WDR74: variants seen among roughly 807,000 people sequenced by gnomAD.
WDR74 encodes the protein WD repeat-containing protein 74.
Under a neutral mutation model 45.6 loss-of-function variants are expected in WDR74, and 31 were observed. The ratio of observed to expected loss-of-function variants is 0.68; its 90% confidence interval spans 0.51 to 0.92. The LOEUF (loss-of-function observed/expected upper bound fraction) is 0.92. WDR74 is among the 40% of genes least tolerant of loss of function. WDR74 has a pLI of 0.00. For missense variants in WDR74, 455 were observed against 497.2 expected (o/e 0.92, Z 0.81); for synonymous variants, 191 against 192.4 (o/e 0.99, Z 0.06).
chr11:62,841,225 G>T (rs1252280727), upstream of WDR74, among the ~76,000 whole-genome samples: 1 of 152,190 alleles, frequency 6.6e-6, no homozygotes. Context: ...GCTGATGCAG[G>T]AGAATCGCAT....
upstream of WDR74, chr11:62,839,699 T>A: frequency 8.5e-7 from 1 of 1,176,780 alleles, no homozygotes; most frequent in Non-Finnish European, 1.2e-6. Flanking sequence ...GCTTCCATGC[T>A]TGTTTTGCTT....
At chr11:62,840,856 T>G (rs1346677205), upstream of WDR74, among the ~76,000 whole-genome samples, 1 of 152,158 alleles carries the variant, frequency 6.6e-6, no homozygotes, top group African/African-American at 2.4e-5. Context: ...ATTTCACGCT[T>G]GAAACCCCGA....
chr11:62,840,959 C>A (rs1280437203), upstream of WDR74, among the ~76,000 whole-genome samples: 1 of 152,148 alleles, frequency 6.6e-6, no homozygotes, highest in African/African-American at 2.4e-5. Context: ...CCGAGGCGGG[C>A]GGATCACGAG....
At position 62,839,520 on chromosome 11, in the gene WDR74, A is replaced by C; in HGVS notation, c.51T>G (p.Thr17=). The change falls in exon 1 of 11, where the codon ACT becomes ACG. Residue 17 remains threonine, a synonymous_variant. Coordinates refer to ENST00000278856, the MANE Select transcript of WDR74 (RefSeq NM_001369450.1). ...CCTGCCACCCACCTTTCAAGATCCCAGTCTCGGTGCCGACCCACACATGGT... is the reference window on the plus strand; with the variant it reads ...CCTGCCACCCACCTTTCAAGATCCCCGTCTCGGTGCCGACCCACACATGGT... ...RWNHVWVGTE[T]GILKGVNLQR... is the part of the protein sequence containing the mutation. 6.2e-7 allele frequency: 1 copy of C among 1,613,200 alleles called. No individual in the cohort carries two copies. The highest frequency in any genetic ancestry group is 8.5e-7 in the Non-Finnish European group (1 of 1,179,740).
chr11:62,834,039 C>T, intron 8 of WDR74, 102 bp from the exon 9 acceptor site: 1 of 1,523,634 alleles, frequency 6.6e-7, no homozygotes, highest in Non-Finnish European at 8.9e-7. Flanking sequence ...TAATCTGCAA[C>T]AAAACCCTGA....
Position 62,835,790 on chromosome 11 carries a change from C to T in WDR74, c.421G>A (p.Ala141Thr). 1 of 1,613,638 alleles carries T rather than the reference C, an allele frequency of 6.2e-7. No individual in the cohort carries two copies. The highest frequency in any genetic ancestry group is 8.5e-7 in the Non-Finnish European group (1 of 1,179,756). Residue 141 changes from alanine (A) to threonine (T), a missense_variant, in exon 5 of 11, where the codon GCA (alanine) becomes ACA (threonine). Coordinates refer to ENST00000278856, the MANE Select transcript of WDR74 (RefSeq NM_001369450.1). ...CCTGTGGCAACCACATGGGGGTGTGCTGGGTCTTGGCGCATCCTACACACC... is the reference window on the plus strand; with the variant it reads ...CCTGTGGCAACCACATGGGGGTGTGTTGGGTCTTGGCGCATCCTACACACC... ...PGVCRMRQDP[A>T]HPHVVATGGK... is the part of the protein sequence containing the mutation.
intron 7 of WDR74, 37 bp downstream of exon 7, chr11:62,834,390 G>GCGGCCCCCCCCCCCCC: frequency 6.3e-7 from 1 of 1,584,248 alleles, no homozygotes; most frequent in Non-Finnish European, 8.6e-7. Flanking sequence ...CCCTTCTCAA[G>GCGGCCCCCCCCCCCCC]CCCCACCCTC....
chr11:62,839,697 G>T (rs2085020168), upstream of WDR74: 2 of 1,175,522 alleles, frequency 1.7e-6, no homozygotes, highest in Non-Finnish European at 2.3e-6. Context: ...AAGCTTCCAT[G>T]CTTGTTTTGC....
rs776765603 is a variant in WDR74 at position 62,835,991 on chromosome 11, A to G, written c.339T>C (p.His113=). 6.3e-7 allele frequency: 1 copy of G among 1,598,134 alleles called. No homozygotes were observed. Among genetic ancestry groups the G allele is most frequent in the Non-Finnish European group, 8.5e-7 (1 of 1,172,316 alleles). Residue 113 remains histidine, a synonymous_variant, in exon 4 of 11, where the codon CAT becomes CAC. Transcript: ENST00000278856. ...CAGAGGATGTGTCCTTGTCCTTGTC[A>G]TGCCAGACTCTGAGAATCCCAGAAT... ...CVDSGILRVW[H]DKDKDTSSDP...
rs1348435167 is a variant in WDR74 at position 62,835,838 on chromosome 11, G to A, written c.373C>T (p.Leu125=). ...ACCCCAGGGCCCACTCTCAGTTCCA[G>A]GAGCTGTAAAGAATAGGAGATAAGA... is the stretch of plus-strand genomic sequence containing the variant. The part of the protein sequence containing the change: ...KDKDTSSDPL[L]ELRVGPGVCR... The change falls in exon 5 of 11, where the codon CTG becomes TTG. Residue 125 remains leucine, a synonymous_variant. Coordinates refer to ENST00000278856, the MANE Select transcript of WDR74 (RefSeq NM_001369450.1). 1 of 1,610,186 alleles carries A rather than the reference G, an allele frequency of 6.2e-7. No homozygotes were observed. The highest frequency in any genetic ancestry group is 2.2e-5 in the East Asian group (1 of 44,760).
At chr11:62,841,532 A>C (rs1022367434), upstream of WDR74, 2 of 151,686 alleles carry the variant, frequency 1.3e-5, no homozygotes, top group Non-Finnish European at 2.9e-5. Context: ...CACCTAATCC[A>C]ACTCAAACAA....
chr11:62,838,760 CAAA>C (rs112966057), intron 3 of WDR74, among the ~76,000 whole-genome samples: 1 of 99,588 alleles, frequency 1.0e-5, no homozygotes, highest in Non-Finnish European at 2.3e-5. Flanking sequence ...ACTCCGTCTC[CAAA>C]AAAAAAAAAA....
intron 6 of WDR74, chr11:62,835,207 C>T: frequency 1.8e-6 from 1 of 550,490 alleles, no homozygotes; most frequent in East Asian, 3.1e-5. Context: ...ACTCTCCTTT[C>T]CTCTCTTCCA....
chr11:62,834,410 C>T lies in WDR74; in HGVS notation c.719+17G>A. 6.8e-7 allele frequency: 1 copy of T among 1,459,998 alleles called. No individual in the cohort carries two copies. The highest frequency in any genetic ancestry group is 1.2e-5 in the South Asian group (1 of 86,852). The allele number at this position is 1,459,998 out of a possible 1,614,324, so 90.4% of individuals were successfully genotyped here. A position where few individuals can be genotyped will look rare whatever the true frequency, so the allele number is the denominator to read the frequency against. On this transcript the variant is annotated intron_variant, in intron 7 of 10. Coordinates refer to ENST00000278856, the MANE Select transcript of WDR74 (RefSeq NM_001369450.1). The stretch of plus-strand genomic sequence containing the variant: ...CTCAAGCCCCACCCTCCCACCCCTT[C>T]CCCTCTAAACACTCACTTGCCTCCC...
chr11:62,839,664 A>G (rs2085019526), upstream of WDR74: 5 of 1,444,048 alleles, frequency 3.5e-6, no homozygotes, highest in South Asian at 2.7e-5. Flanking sequence ...TAGTTGCTGG[A>G]AGTTTGAAGA....
chr11:62,834,837 GCT>G, intron 6 of WDR74: 1 of 376,326 alleles, frequency 2.7e-6, no homozygotes, highest in South Asian at 4.1e-5. Context: ...GTCAGTAGGT[GCT>G]AAATTTCAAG....
intron 8 of WDR74, 101 bp downstream of exon 8, chr11:62,834,175 A>C: frequency 6.4e-7 from 1 of 1,553,298 alleles, no homozygotes. Flanking sequence ...GCAATCTGGC[A>C]CCTGAATGAG....
chr11:62,841,368 C>T (rs759153627), upstream of WDR74, among the ~76,000 whole-genome samples: 9 of 152,052 alleles, frequency 5.9e-5, no homozygotes, highest in East Asian at 1.9e-4. Flanking sequence ...GGGGTGGTGG[C>T]AAGCGCTCAA....
chr11:62,839,806 G>A (rs984364100), upstream of WDR74: 2 of 581,402 alleles, frequency 3.4e-6, no homozygotes, highest in Non-Finnish European at 6.0e-6. Context: ...CCTGGACTGC[G>A]TGGCCGGATC....
Sources: allele counts gnomAD v4.1 joint callset (sites outside exome capture counted in the v4.1 genomes callset), GRCh38; gene constraint gnomAD v4.1.1; transcripts MANE v1.5; gene names NCBI Gene and HGNC (gene_info 2026-07-23, HGNC 2026-07-21).